The following SGCZ variants were observed in gnomAD, a reference collection of about 807,000 sequenced individuals.
SGCZ encodes the protein zeta-sarcoglycan.
A neutral mutation model predicts 41.3 loss-of-function variants in SGCZ; 40 were observed. The observed-to-expected ratio is 0.97, with a 90% CI of 0.75 to 1.26. SGCZ has a LOEUF of 1.26. SGCZ is among the 50% of genes most tolerant of loss of function. SGCZ has a pLI of 0.00. For missense variants in SGCZ, 552 were observed against 369.8 expected (o/e 1.49, Z -4.04); for synonymous variants, 206 against 137.5 (o/e 1.50, Z -3.49).
At chr8:14,748,939 G>A (rs1273879869) in intron 1 of SGCZ, among the ~76,000 whole-genome samples, 2 of 151,808 alleles carry the variant, frequency 1.3e-5, no homozygotes, top group Admixed American at 6.6e-5. Flanking sequence ...GATTTTCTGA[G>A]TTTTAGGAAA....
At chr8:14,374,516 G>A (rs1804038714) in intron 2 of SGCZ, among the ~76,000 whole-genome samples, 1 of 152,062 alleles carries the variant, frequency 6.6e-6, no homozygotes, top group African/African-American at 2.4e-5. Context: ...CTGTGAATGA[G>A]ACTAAAAGAA....
intron 1 of SGCZ, among the ~76,000 whole-genome samples, chr8:14,719,646 T>G (rs1468419162): frequency 6.6e-6 from 1 of 151,250 alleles, no homozygotes; most frequent in East Asian, 1.9e-4. Context: ...ACTGCATAAA[T>G]GTCTTCTTTT....
intron 1 of SGCZ, among the ~76,000 whole-genome samples, chr8:15,043,734 C>T (rs1324648721): frequency 1.3e-5 from 2 of 151,900 alleles, no homozygotes; most frequent in Admixed American, 1.3e-4. Flanking sequence ...AGAATAATCA[C>T]AAGATAATAT....
intron 3 of SGCZ, among the ~76,000 whole-genome samples, chr8:14,265,585 T>G (rs957292412): frequency 6.6e-6 from 1 of 151,864 alleles, no homozygotes; most frequent in African/African-American, 2.4e-5. Context: ...ATATCGCAAA[T>G]CAGTAAGATT....
At chr8:14,710,841 T>A (rs1008159418) in intron 1 of SGCZ, among the ~76,000 whole-genome samples, 1 of 152,150 alleles carries the variant, frequency 6.6e-6, no homozygotes, top group Non-Finnish European at 1.5e-5. Context: ...AAAAAAGTCA[T>A]GCGGAATTTT....
chr8:14,565,643 C>A (rs1038515433), intron 1 of SGCZ, among the ~76,000 whole-genome samples: 10 of 152,042 alleles, frequency 6.6e-5, no homozygotes, highest in African/African-American at 2.4e-4. Context: ...GAGAGCTTAA[C>A]TGGGCAAGCA....
intron 2 of SGCZ, among the ~76,000 whole-genome samples, chr8:14,541,429 T>C (rs554453562): frequency 6.6e-6 from 1 of 152,220 alleles, no homozygotes; most frequent in South Asian, 2.1e-4. Context: ...TTGCTGAAGA[T>C]GACAGCTTCC....
intron 2 of SGCZ, among the ~76,000 whole-genome samples, chr8:14,395,655 A>C (rs1231699631): frequency 1.3e-5 from 2 of 152,200 alleles, no homozygotes; most frequent in African/African-American, 4.8e-5. Flanking sequence ...TTACCCTGGG[A>C]ATCAATACTC....
chr8:14,269,131 T>A (rs1799974218), intron 3 of SGCZ, among the ~76,000 whole-genome samples: 1 of 152,106 alleles, frequency 6.6e-6, no homozygotes, highest in Non-Finnish European at 1.5e-5. Context: ...TTTTATTTGT[T>A]TTCATAAATT....
At position 14,309,317 on chromosome 8, in the gene SGCZ, A is replaced by T. The variant is rs1801449550; in HGVS notation, c.336+14786T>A. On this transcript the variant is annotated intron_variant, in intron 3 of 7. Transcript: ENST00000382080. ...CTCACTTTTTAAGGATGGTATTGAG[A>T]CTATGTGGGAAGATGAGAAAAACAA... is the stretch of plus-strand genomic sequence containing the variant. 8 of 1,595,516 alleles carry T rather than the reference A, an allele frequency of 5.0e-6. No homozygotes were observed. The African/African-American group carries it at 1.1e-4, about 21-fold the overall frequency.
intron 5 of SGCZ, among the ~76,000 whole-genome samples, chr8:14,116,499 T>A (rs1802527368): frequency 6.6e-6 from 1 of 152,144 alleles, no homozygotes; most frequent in South Asian, 2.1e-4. Flanking sequence ...AACCAGGTTT[T>A]ACAAAAATTC....
intron 1 of SGCZ, among the ~76,000 whole-genome samples, chr8:14,794,779 C>T (rs1403874347): frequency 6.6e-6 from 1 of 152,070 alleles, no homozygotes; most frequent in Non-Finnish European, 1.5e-5. Context: ...TATGAATGTA[C>T]CATAGAGGGA....
intron 1 of SGCZ, among the ~76,000 whole-genome samples, chr8:15,146,624 T>C (rs1478963997): frequency 6.6e-6 from 1 of 152,234 alleles, no homozygotes; most frequent in East Asian, 1.9e-4. Flanking sequence ...GTTTTCTATA[T>C]GAAGATAATA....
At chr8:14,781,755 G>A (rs1044035746) in intron 1 of SGCZ, among the ~76,000 whole-genome samples, 2 of 152,076 alleles carry the variant, frequency 1.3e-5, no homozygotes, top group African/African-American at 4.8e-5. Flanking sequence ...AAATTATGGA[G>A]CATCAAATCA....
At chr8:14,993,942 C>T (rs1251264968) in intron 1 of SGCZ, among the ~76,000 whole-genome samples, 1 of 152,022 alleles carries the variant, frequency 6.6e-6, no homozygotes, top group African/African-American at 2.4e-5. Flanking sequence ...TGTGCTGGGG[C>T]CAGACTGTAA....
intron 1 of SGCZ, among the ~76,000 whole-genome samples, chr8:15,151,675 A>G (rs1250998785): frequency 6.6e-6 from 1 of 152,240 alleles, no homozygotes; most frequent in Non-Finnish European, 1.5e-5. Context: ...ATACATAAAG[A>G]GCCAACTATA....
intron 1 of SGCZ, among the ~76,000 whole-genome samples, chr8:15,217,860 G>T (rs1801464748): frequency 6.6e-6 from 1 of 152,148 alleles, no homozygotes; most frequent in Non-Finnish European, 1.5e-5. Flanking sequence ...GGCTGAGTTG[G>T]ACGGATCACT....
intron 1 of SGCZ, among the ~76,000 whole-genome samples, chr8:14,858,761 A>G (rs566050286): frequency 6.6e-6 from 1 of 152,216 alleles, no homozygotes; most frequent in African/African-American, 2.4e-5. Context: ...AATTTTACCA[A>G]TTTTCTAAGT....
At chr8:14,094,791 G>A (rs1404696373) in intron 7 of SGCZ, among the ~76,000 whole-genome samples, 1 of 152,050 alleles carries the variant, frequency 6.6e-6, no homozygotes, top group Non-Finnish European at 1.5e-5. Flanking sequence ...ATCCTCACCA[G>A]CATCTGTTGT....
Sources: allele counts gnomAD v4.1 joint callset (sites outside exome capture counted in the v4.1 genomes callset), GRCh38; gene constraint gnomAD v4.1.1; transcripts MANE v1.5; gene names NCBI Gene and HGNC (gene_info 2026-07-23, HGNC 2026-07-21).